TMEM132B: variants seen among roughly 807,000 people sequenced by gnomAD.
The protein encoded by TMEM132B is transmembrane protein 132B.
A neutral mutation model predicts 90.8 loss-of-function variants in TMEM132B; 18 were observed. The observed-to-expected ratio is 0.20, with a 90% CI of 0.14 to 0.29. The LOEUF (loss-of-function observed/expected upper bound fraction) is 0.29. Ranked by LOEUF, TMEM132B falls within the 10% of genes least tolerant of loss-of-function variation. The pLI, the probability that TMEM132B is intolerant of heterozygous loss-of-function variation, is 1.00. For missense variants in TMEM132B, 1,096 were observed against 1,326.8 expected, an observed-to-expected ratio of 0.83 and a Z score of 2.70; for synonymous variants, 504 against 523.3, an observed-to-expected ratio of 0.96 and a Z score of 0.50.
At chr12:125,200,212 G>A (rs904710121) in intron 1 of TMEM132B, among the ~76,000 whole-genome samples, 1 of 152,146 alleles carries the variant, frequency 6.6e-6, no homozygotes, top group Non-Finnish European at 1.5e-5. Flanking sequence ...GAAAATAAAA[G>A]CAATTTGCTG....
At chr12:125,480,229 G>T (rs1255202910) in intron 3 of TMEM132B, among the ~76,000 whole-genome samples, 1 of 152,118 alleles carries the variant, frequency 6.6e-6, no homozygotes, top group Non-Finnish European at 1.5e-5. Flanking sequence ...AAATTCAAAA[G>T]GTAGCAGAAG....
rs369349444 is a variant in TMEM132B at position 125,353,655 on chromosome 12, G to T, written c.959+3312G>T. 7.0e-4 allele frequency among the ~76,000 whole-genome samples: 107 copies of T among 152,288 alleles called. No homozygotes were observed. The Middle Eastern group carries it at 0.01, about 15-fold the overall frequency. The stretch of plus-strand genomic sequence containing the variant: ...GAGGCACAGAGAAGTCAAGTAGTGT[G>T]TCCAGGGTCACACAGGTAGGGAGTG... On this transcript the variant is annotated intron_variant, in intron 2 of 8. Coordinates refer to ENST00000682704, the MANE Select transcript of TMEM132B (RefSeq NM_001366854.1).
intron 2 of TMEM132B, among the ~76,000 whole-genome samples, chr12:125,402,630 G>A (rs1879352706): frequency 6.6e-6 from 1 of 152,238 alleles, no homozygotes; most frequent in South Asian, 2.1e-4. Flanking sequence ...ATAGTTGGCA[G>A]TCAGCAGAAT....
At chr12:125,225,995 C>A (rs994594219) in intron 1 of TMEM132B, among the ~76,000 whole-genome samples, 1 of 152,200 alleles carries the variant, frequency 6.6e-6, no homozygotes, top group Non-Finnish European at 1.5e-5. Context: ...TCCTATCAAC[C>A]TACAAATTCC....
intron 3 of TMEM132B, among the ~76,000 whole-genome samples, chr12:125,474,600 T>A (rs1881821521): frequency 6.6e-6 from 1 of 152,180 alleles, no homozygotes; most frequent in Non-Finnish European, 1.5e-5. Flanking sequence ...AGCATTTTCT[T>A]TATGTCATTA....
rs377455174 is a variant in TMEM132B at position 125,349,529 on chromosome 12, A to G, written c.145A>G (p.Ile49Val). The stretch of plus-strand genomic sequence containing the variant: ...TGCTTACCTCCCCACGAACTTGCAC[A>G]TCTCCAATGCAGAGGAGTCCTTTTT... ...LPAYLPTNLH[I>V]SNAEESFFLK... is the part of the protein sequence containing the mutation. Residue 49 changes from isoleucine to valine, a missense_variant, in exon 2 of 9, where the codon ATC becomes GTC. Transcript: ENST00000682704. The surrounding 1 kb of genome is among the most constrained non-coding windows in gnomAD (Gnocchi z 4.1). 5.0e-6 allele frequency: 8 copies of G among 1,614,062 alleles called. No individual in the cohort carries two copies. The African/African-American group carries it at 8.0e-5, about 16-fold the overall frequency.
chr12:125,527,434 ACCTATTTACCCTTCCAT>A (rs1457930692), intron 4 of TMEM132B, among the ~76,000 whole-genome samples: 1 of 124,734 alleles, frequency 8.0e-6, no homozygotes, highest in Admixed American at 8.2e-5. Context: ...CCTTCCATCC[ACCTATTTACCCTTCCAT>A]CCACCCATCC....
At chr12:125,516,863 C>T (rs1883174411) in intron 3 of TMEM132B, among the ~76,000 whole-genome samples, 1 of 152,204 alleles carries the variant, frequency 6.6e-6, no homozygotes, top group South Asian at 2.1e-4. Context: ...AAAATTTGGT[C>T]TGACAGGACC....
rs938164429 is a variant in TMEM132B, at chr12:125,406,658, G to A, written c.960-8873G>A. Among the ~76,000 whole-genome samples the A allele has an allele frequency of 4.6e-5, 7 of 152,044 alleles. No individual in the cohort carries two copies. Among genetic ancestry groups the A allele is most frequent in the Admixed American group, 6.6e-5 (1 of 15,264 alleles). On this transcript the variant is annotated intron_variant, in intron 2 of 8. Transcript: ENST00000682704. This position sits in a 1 kb window ranked among gnomAD's most constrained non-coding sequence, Gnocchi z 8.3. ...TTGATGGCGTGAGTTCTAATTGCAC[G>A]CTTCCTTCTCCAACCCCCGCCCATG...
intron 5 of TMEM132B, among the ~76,000 whole-genome samples, chr12:125,599,046 A>C (rs1885510825): frequency 2.0e-5 from 3 of 152,178 alleles, no homozygotes; most frequent in Admixed American, 2.0e-4. Flanking sequence ...GTGAGGGAGC[A>C]ACATAGTTTG....
intron 1 of TMEM132B, among the ~76,000 whole-genome samples, chr12:125,266,601 G>C (rs765206032): frequency 1.2e-4 from 19 of 152,208 alleles, no homozygotes; most frequent in Non-Finnish European, 2.5e-4. Flanking sequence ...CTGCTTTGGA[G>C]ATTTTTCTGT....
chr12:125,644,456 A>G (rs1431630856), intron 6 of TMEM132B, among the ~76,000 whole-genome samples, 175 bp downstream of exon 6: 1 of 152,182 alleles, frequency 6.6e-6, no homozygotes, highest in Non-Finnish European at 1.5e-5. Context: ...GCACCTTGAC[A>G]TGAGGAAATT....
intron 2 of TMEM132B, among the ~76,000 whole-genome samples, chr12:125,380,228 C>A (rs1878637699): frequency 6.6e-6 from 1 of 152,174 alleles, no homozygotes; most frequent in Non-Finnish European, 1.5e-5. Flanking sequence ...CTGGTGGTGG[C>A]TGGCAATTCT....
intron 3 of TMEM132B, among the ~76,000 whole-genome samples, chr12:125,489,677 A>G (rs924155110): frequency 2.6e-5 from 4 of 152,120 alleles, no homozygotes; most frequent in Non-Finnish European, 5.9e-5. Context: ...CTCCCAAAGT[A>G]CTGGAATTAC....
intron 5 of TMEM132B, among the ~76,000 whole-genome samples, chr12:125,602,717 C>T (rs554504227): frequency 1.3e-5 from 2 of 152,280 alleles, no homozygotes; most frequent in African/African-American, 4.8e-5. Flanking sequence ...TTAGAAAACC[C>T]CAGCATCTCA....
At chr12:125,576,232 C>T (rs539247949) in intron 4 of TMEM132B, among the ~76,000 whole-genome samples, 16 of 152,002 alleles carry the variant, frequency 1.1e-4, no homozygotes, top group East Asian at 1.9e-4. Context: ...GTATTAATTT[C>T]GATGCTGTTA....
chr12:125,637,503 A>G (rs902795672), intron 5 of TMEM132B, among the ~76,000 whole-genome samples: 2 of 152,224 alleles, frequency 1.3e-5, no homozygotes, highest in African/African-American at 2.4e-5. Flanking sequence ...TTAGGGAGGC[A>G]TGAGACATCA....
intron 1 of TMEM132B, among the ~76,000 whole-genome samples, chr12:125,233,361 C>T (rs1465154256): frequency 6.6e-6 from 1 of 152,180 alleles, no homozygotes; most frequent in Non-Finnish European, 1.5e-5. Context: ...GACTTCCATC[C>T]TCATGGTCAC....
At chr12:125,576,979 T>TA (rs57617693) in intron 4 of TMEM132B, among the ~76,000 whole-genome samples, 1 of 151,266 alleles carries the variant, frequency 6.6e-6, no homozygotes, top group Non-Finnish European at 1.5e-5. Context: ...TTTTTTTTTT[T>TA]AAATTAGGGT....
Sources: allele counts gnomAD v4.1 joint callset (sites outside exome capture counted in the v4.1 genomes callset), GRCh38; gene constraint gnomAD v4.1.1; non-coding constraint Gnocchi (gnomAD v3.1); transcripts MANE v1.5; gene names NCBI Gene and HGNC (gene_info 2026-07-23, HGNC 2026-07-21).